Variants in CFAP300 observed in about 807,000 individuals in gnomAD.
The protein encoded by CFAP300 is cilia and flagella associated protein 300.
In CFAP300, 32 loss-of-function variants were observed where a neutral mutation model predicts 33.0. The ratio of observed to expected loss-of-function variants is 0.97; its 90% confidence interval spans 0.73 to 1.30. The LOEUF (loss-of-function observed/expected upper bound fraction) is 1.30, where lower values mean the gene tolerates loss of function less well. Among genes scored for constraint, CFAP300 ranks in the 50% most tolerant of loss-of-function variants. CFAP300 has a pLI of 0.00. For synonymous variants in CFAP300, 102 were observed against 106.8 expected (o/e 0.95, Z 0.28); for missense variants, 356 against 318.1 (o/e 1.12, Z -0.90).
At chr11:102,052,833 A>G (rs1019981830) in intron 2 of CFAP300, among the ~76,000 whole-genome samples, 2 of 152,126 alleles carry the variant, frequency 1.3e-5, no homozygotes, top group Non-Finnish European at 2.9e-5. Flanking sequence ...CCTTCCTCCT[A>G]GCTAGTCTTT....
intron 5 of CFAP300, among the ~76,000 whole-genome samples, chr11:102,076,778 T>C (rs1942400969): frequency 6.6e-6 from 1 of 152,188 alleles, no homozygotes; most frequent in Non-Finnish European, 1.5e-5. Flanking sequence ...ACACCTTAAT[T>C]CTCATATCCA....
At chr11:102,062,747 G>T (rs1271310443) in intron 3 of CFAP300, among the ~76,000 whole-genome samples, 1 of 152,166 alleles carries the variant, frequency 6.6e-6, no homozygotes, top group Non-Finnish European at 1.5e-5. Context: ...GAGAAGGTTT[G>T]TTCTGAAGAG....
intron 6 of CFAP300, among the ~76,000 whole-genome samples, chr11:102,081,772 G>A (rs1027726047): frequency 1.3e-5 from 2 of 151,438 alleles, no homozygotes; most frequent in African/African-American, 4.9e-5. Context: ...CGCGCCTGTA[G>A]TCCCAGCTTT....
chr11:102,062,538 G>A (rs571400531), intron 3 of CFAP300, among the ~76,000 whole-genome samples: 2 of 152,266 alleles, frequency 1.3e-5, no homozygotes, highest in South Asian at 4.1e-4. Flanking sequence ...GTTTTCTATT[G>A]TTTTATGGAA....
Position 102,047,534 on chromosome 11 carries a change from T to G in CFAP300, c.64T>G (p.Phe22Val), listed in dbSNP as rs1445806053. 8.5e-6 allele frequency: 13 copies of G among 1,535,868 alleles called. No individual in the cohort carries two copies. Among genetic ancestry groups the G allele is most frequent in the Non-Finnish European group, 1.1e-5 (13 of 1,146,810 alleles). ...YYFRFLPQKTFQSLSSKEITS... is the reference protein window; with the variant it reads ...YYFRFLPQKTVQSLSSKEITS... ...CTTCAGGTTCTTGCCTCAGAAAACC[T>G]TCCAGTCTCTGAGCTCTAAGGAGAT... The change falls in exon 1 of 7, where the codon TTC (phenylalanine) becomes GTC (valine). Residue 22 changes from phenylalanine to valine, a missense_variant. Transcript: ENST00000434758.
chr11:102,049,381 C>T (rs1043535817), intron 2 of CFAP300, among the ~76,000 whole-genome samples: 19 of 152,192 alleles, frequency 1.2e-4, no homozygotes, highest in African/African-American at 4.6e-4. Context: ...TTAAGGGCCC[C>T]GCATAACCTC....
chr11:102,077,777 T>G (rs10791560), intron 5 of CFAP300, among the ~76,000 whole-genome samples: 85,072 of 152,134 alleles, frequency 0.56, 25,167 homozygotes, highest in East Asian at 0.75. Context: ...GTTTTATCAT[T>G]TTGGCCAGGC....
At chr11:102,070,957 A>T (rs989312523) in intron 4 of CFAP300, among the ~76,000 whole-genome samples, 5 of 152,144 alleles carry the variant, frequency 3.3e-5, no homozygotes, top group Non-Finnish European at 7.4e-5. Context: ...TTGTTTTGTG[A>T]CTCAGCATAT....
intron 2 of CFAP300, among the ~76,000 whole-genome samples, chr11:102,052,134 G>C (rs972645768): frequency 1.3e-5 from 2 of 152,106 alleles, no homozygotes; most frequent in African/African-American, 2.4e-5. Flanking sequence ...TTATTTGAGG[G>C]TCCCTTATAA....
chr11:102,073,721 C>G (rs963464013), intron 4 of CFAP300, among the ~76,000 whole-genome samples: 1 of 151,974 alleles, frequency 6.6e-6, no homozygotes. Flanking sequence ...CATTTCAGCC[C>G]CCAGCAACAG....
chr11:102,071,326 G>A (rs1942309769), intron 4 of CFAP300, among the ~76,000 whole-genome samples: 1 of 152,164 alleles, frequency 6.6e-6, no homozygotes, highest in Non-Finnish European at 1.5e-5. Context: ...TACAGGTCAA[G>A]TGAGTTTGCT....
intron 2 of CFAP300, chr11:102,057,762 C>T (rs1040431653): frequency 2.6e-5 from 4 of 152,288 alleles, no homozygotes; most frequent in Non-Finnish European, 5.9e-5. Flanking sequence ...ACACAGAATT[C>T]ATTTCTTTGG....
At chr11:102,077,201 G>A (rs1415792983) in intron 5 of CFAP300, among the ~76,000 whole-genome samples, 1 of 152,186 alleles carries the variant, frequency 6.6e-6, no homozygotes, top group Non-Finnish European at 1.5e-5. Flanking sequence ...ACTGTGTGCT[G>A]TGGAGGAGGA....
intron 2 of CFAP300, among the ~76,000 whole-genome samples, chr11:102,048,272 C>G (rs1472607536): frequency 6.6e-6 from 1 of 152,042 alleles, no homozygotes; most frequent in Non-Finnish European, 1.5e-5. Context: ...TTCTCTGTCA[C>G]CCAGGCTGAA....
In CFAP300 at chr11:102,047,515, G is replaced by T. The variant is rs771478775; in HGVS notation, c.45G>T (p.Arg15Ser). The T allele has an allele frequency of 6.5e-7, 1 of 1,535,860 alleles. No homozygotes were observed. Among genetic ancestry groups the T allele is most frequent in the African/African-American group, 1.4e-5 (1 of 73,040 alleles). ...ELGDLGGYYF[R>S]FLPQKTFQSL... ...GGGACTTGGGTGGCTACTACTTCAG[G>T]TTCTTGCCTCAGAAAACCTTCCAGT... Residue 15 changes from arginine to serine, a missense_variant, in exon 1 of 7, where the codon AGG becomes AGT. Physicochemically the swap from Arg to Ser is moderately radical, Grantham distance 110. Transcript: ENST00000434758.
At chr11:102,066,722 C>A in intron 4 of CFAP300, 71 bp downstream of exon 4, 1 of 1,388,530 alleles carries the variant, frequency 7.2e-7, no homozygotes, top group Non-Finnish European at 9.8e-7. Flanking sequence ...AAAAACTTTG[C>A]CTGCTTAAAG....
At chr11:102,050,710 G>A (rs1288629189) in intron 2 of CFAP300, among the ~76,000 whole-genome samples, 1 of 152,182 alleles carries the variant, frequency 6.6e-6, no homozygotes, top group African/African-American at 2.4e-5. Context: ...ATTTATAAAA[G>A]ACAGGACTCT....
At chr11:102,066,163 C>A (rs187689563) in intron 3 of CFAP300, among the ~76,000 whole-genome samples, 1 of 151,848 alleles carries the variant, frequency 6.6e-6, no homozygotes, top group Non-Finnish European at 1.5e-5. Context: ...TTAGTAGAGA[C>A]GAGGTTTCGC....
chr11:102,048,406 GGC>G (rs1371027453), intron 2 of CFAP300, among the ~76,000 whole-genome samples: 2 of 121,196 alleles, frequency 1.7e-5, no homozygotes, highest in South Asian at 5.1e-4. Flanking sequence ...TTTTTTTAGA[GGC>G]AGAGTCTCAC....
Sources: gnomAD v4.1 joint callset for allele counts (sites outside exome capture counted in the v4.1 genomes callset) on GRCh38, gnomAD v4.1.1 for gene constraint, MANE v1.5 for transcripts, NCBI Gene and HGNC (gene_info 2026-07-23, HGNC 2026-07-21) for gene names.